MDGA2: variants seen among roughly 807,000 people sequenced by gnomAD.
The protein encoded by MDGA2 is MAM domain-containing glycosylphosphatidylinositol anchor protein 2.
In MDGA2, 40 loss-of-function variants were observed where a neutral mutation model predicts 117.8. The ratio of observed to expected loss-of-function variants is 0.34; its 90% CI spans 0.26 to 0.44. The LOEUF (loss-of-function observed/expected upper bound fraction) is 0.44. Among genes scored for constraint, MDGA2 ranks in the 20% least tolerant of loss-of-function variants. MDGA2 has a pLI of 1.00. For missense variants in MDGA2, 1,123 were observed against 1,250.6 expected (o/e 0.90, Z 1.54); for synonymous variants, 452 against 439.0 (o/e 1.03, Z -0.37).
At chr14:47,079,287 C>A (rs1204861608) in intron 6 of MDGA2, among the ~76,000 whole-genome samples, 1 of 152,178 alleles carries the variant, frequency 6.6e-6, no homozygotes, top group Non-Finnish European at 1.5e-5. Context: ...CTGCTCAAAA[C>A]AATGGAGCCA....
chr14:47,303,590 G>C (rs1889350869), intron 1 of MDGA2, among the ~76,000 whole-genome samples: 1 of 151,996 alleles, frequency 6.6e-6, no homozygotes, highest in African/African-American at 2.4e-5. Context: ...CTTATTTTTA[G>C]GCATCTGTCT....
chr14:47,528,339 C>T (rs1241916036), intron 1 of MDGA2, among the ~76,000 whole-genome samples: 3 of 152,176 alleles, frequency 2.0e-5, no homozygotes, highest in South Asian at 2.1e-4. Flanking sequence ...ACAAAACAAA[C>T]TCTGTTCTGC....
chr14:46,869,351 CTT>C (rs35619816), intron 14 of MDGA2, among the ~76,000 whole-genome samples: 15,980 of 119,148 alleles, frequency 0.13, 695 homozygotes, highest in Middle Eastern at 0.21. Context: ...CTATGAGATT[CTT>C]TTTTTTTTTT....
At chr14:47,059,975 T>C (rs1889822901) in intron 7 of MDGA2, among the ~76,000 whole-genome samples, 1 of 152,122 alleles carries the variant, frequency 6.6e-6, no homozygotes, top group African/African-American at 2.4e-5. Flanking sequence ...TATTTGTTGA[T>C]TGAATGAATA....
At chr14:46,853,768 A>G (rs1264275544) in intron 15 of MDGA2, among the ~76,000 whole-genome samples, 2 of 151,778 alleles carry the variant, frequency 1.3e-5, no homozygotes, top group African/African-American at 4.8e-5. Flanking sequence ...AAGTATATCT[A>G]TAATAATATC....
intron 5 of MDGA2, among the ~76,000 whole-genome samples, chr14:47,099,801 T>C (rs997573293): frequency 6.6e-6 from 1 of 152,072 alleles, no homozygotes. Flanking sequence ...TACTTGTAAC[T>C]ATCTTGAAGT....
intron 1 of MDGA2, among the ~76,000 whole-genome samples, chr14:47,334,378 AAGTTTCTGGAGTAAGGT>A (rs1187430216): frequency 6.6e-6 from 1 of 151,836 alleles, no homozygotes; most frequent in East Asian, 1.9e-4. Context: ...TTTTAAAAGC[AAGTTTCTGGAGTAAGGT>A]AGCATAGCTT....
chr14:47,628,770 C>T (rs999205658), intron 1 of MDGA2, among the ~76,000 whole-genome samples: 1 of 152,198 alleles, frequency 6.6e-6, no homozygotes, highest in African/African-American at 2.4e-5. Context: ...TTTTTCCCCC[C>T]AGCTGGTGTG....
chr14:46,858,188 C>CT (rs558947308), intron 14 of MDGA2, among the ~76,000 whole-genome samples: 61 of 148,294 alleles, frequency 4.1e-4, no homozygotes, highest in South Asian at 3.4e-3. Context: ...AGTTCACTGA[C>CT]TTTTTTTTTT....
intron 1 of MDGA2, among the ~76,000 whole-genome samples, chr14:47,610,728 G>T (rs1896832208): frequency 6.6e-6 from 1 of 151,976 alleles, no homozygotes; most frequent in African/African-American, 2.4e-5. Flanking sequence ...TGGATGGGGA[G>T]AATCAATATT....
chr14:47,474,236 A>C (rs1316734896), intron 1 of MDGA2, among the ~76,000 whole-genome samples: 2 of 152,066 alleles, frequency 1.3e-5, no homozygotes, highest in African/African-American at 4.8e-5. Flanking sequence ...TTCTAAACTG[A>C]TACAAAGAGA....
At chr14:47,345,453 T>C (rs532592542) in intron 1 of MDGA2, among the ~76,000 whole-genome samples, 128 of 152,226 alleles carry the variant, frequency 8.4e-4, no homozygotes, top group Non-Finnish European at 1.7e-3. Flanking sequence ...CATTTGCAAG[T>C]GAAGTATCAA....
intron 1 of MDGA2, among the ~76,000 whole-genome samples, chr14:47,558,955 C>T (rs1301414745): frequency 5.3e-5 from 8 of 151,946 alleles, no homozygotes; most frequent in Non-Finnish European, 2.9e-5. Context: ...TATATACATA[C>T]GATACACATA....
chr14:47,325,417 C>T (rs977652799), intron 1 of MDGA2, among the ~76,000 whole-genome samples: 1 of 152,160 alleles, frequency 6.6e-6, no homozygotes, highest in African/African-American at 2.4e-5. Context: ...TAAGCTTCTG[C>T]ATTAAAACCT....
At chr14:47,095,889 G>A (rs540912979) in intron 6 of MDGA2, among the ~76,000 whole-genome samples, 7 of 151,628 alleles carry the variant, frequency 4.6e-5, no homozygotes, top group East Asian at 3.9e-4. Context: ...TTTCATTTGC[G>A]TGTTCAAAAG....
chr14:46,976,561 A>C (rs1385964115), intron 8 of MDGA2, among the ~76,000 whole-genome samples: 1 of 151,882 alleles, frequency 6.6e-6, no homozygotes, highest in Non-Finnish European at 1.5e-5. Context: ...TAGCATGCAT[A>C]AAAACCAATC....
At chr14:46,975,957 C>G (rs1288468973) in intron 8 of MDGA2, among the ~76,000 whole-genome samples, 2 of 152,214 alleles carry the variant, frequency 1.3e-5, no homozygotes, top group Admixed American at 1.3e-4. Context: ...ATGACCTAAC[C>G]ACCTCCCAAA....
At chr14:47,331,620 G>A (rs1371431030) in intron 1 of MDGA2, among the ~76,000 whole-genome samples, 1 of 151,624 alleles carries the variant, frequency 6.6e-6, no homozygotes, top group Non-Finnish European at 1.5e-5. Context: ...ATTTTTCCTG[G>A]TTATTTTAAT....
At chr14:47,437,873 TG>T (rs1315928768) in intron 1 of MDGA2, among the ~76,000 whole-genome samples, 1 of 152,292 alleles carries the variant, frequency 6.6e-6, no homozygotes, top group Admixed American at 6.5e-5. Flanking sequence ...TAGTTTATTC[TG>T]AGTAGTCATG....
Sources: allele counts gnomAD v4.1 joint callset (sites outside exome capture counted in the v4.1 genomes callset), GRCh38; gene constraint gnomAD v4.1.1; transcripts MANE v1.5; gene names NCBI Gene and HGNC (gene_info 2026-07-23, HGNC 2026-07-21).